The following GPAT4 variants were observed in gnomAD, a reference collection of about 807,000 sequenced individuals.
GPAT4 encodes glycerol-3-phosphate acyltransferase 4, also known as 1-AGP acyltransferase 6.
A neutral mutation model predicts 58.0 loss-of-function variants in GPAT4; 17 were observed. The observed-to-expected ratio is 0.29, with a 90% CI of 0.20 to 0.44. The LOEUF (loss-of-function observed/expected upper bound fraction) is 0.44, where lower values mean the gene tolerates loss of function less well. Ranked by LOEUF, GPAT4 falls within the 20% of genes least tolerant of loss-of-function variation. GPAT4 has a pLI of 1.00. For missense variants in GPAT4, 377 were observed against 574.5 expected, an observed-to-expected ratio of 0.66 and a Z score of 3.51; for synonymous variants, 204 against 210.1, an observed-to-expected ratio of 0.97 and a Z score of 0.25.
chr8:41,609,258 G>GGGGAGAGGT (rs1163668101), intron 2 of GPAT4, among the ~76,000 whole-genome samples, 158 bp from the exon 3 acceptor site: 1 of 152,220 alleles, frequency 6.6e-6, no homozygotes, highest in Non-Finnish European at 1.5e-5. Flanking sequence ...GGGCTGCTCT[G>GGGGAGAGGT]GGGAGAGGTG....
At chr8:41,608,616 C>T (rs188885192) in intron 2 of GPAT4, among the ~76,000 whole-genome samples, 14 of 152,194 alleles carry the variant, frequency 9.2e-5, no homozygotes, top group African/African-American at 3.1e-4. Flanking sequence ...TGTGTTATTT[C>T]GGTAATAATC....
In GPAT4 at chr8:41,618,905, A is replaced by G. The variant is rs761493151; in HGVS notation, c.1190A>G (p.Glu397Gly). 18 of 1,614,158 alleles carry G rather than the reference A, an allele frequency of 1.1e-5. No homozygotes were observed. Among genetic ancestry groups the G allele is most frequent in the Non-Finnish European group, 1.7e-6 (2 of 1,180,040 alleles). Residue 397 changes from glutamate (E) to glycine (G), a missense_variant, in exon 12 of 13, where the codon GAA becomes GGA. Transcript: ENST00000396987. ...YLPPMTREADEDAVQFANRVK... is the reference protein window; with the variant it reads ...YLPPMTREADGDAVQFANRVK... Reference sequence around the variant, plus strand: ...ATTTGTTCTTTCTTACAGGCAGATGAAGATGCTGTCCAGTTTGCGAATAGG... The same window carrying G: ...ATTTGTTCTTTCTTACAGGCAGATGGAGATGCTGTCCAGTTTGCGAATAGG...
At chr8:41,581,993 A>ATTTTTTTTTTTT (rs71230849) in intron 1 of GPAT4, among the ~76,000 whole-genome samples, 8 of 63,592 alleles carry the variant, frequency 1.3e-4, no homozygotes, top group African/African-American at 2.5e-4. Flanking sequence ...AAGTTCAATG[A>ATTTTTTTTTTTT]TTTTTTTTTT....
rs201102148 is a variant in GPAT4, at chr8:41,609,971, C to G, written c.536+16C>G. The G allele has an allele frequency of 1.9e-6, 3 of 1,580,756 alleles. No individual in the cohort carries two copies. The highest frequency in any genetic ancestry group is 3.5e-5 in the Admixed American group (2 of 57,362). On this transcript the variant is annotated intron_variant, in intron 4 of 12. Transcript: ENST00000396987. ...TGCCGCTCAGGTGAGGCAGGGCCTG[C>G]GGGAGTGGGGCTCGCTGCTGCCACC... is the stretch of plus-strand genomic sequence containing the variant.
At chr8:41,617,956 A>G (rs1447468419) in intron 10 of GPAT4, among the ~76,000 whole-genome samples, 2 of 152,142 alleles carry the variant, frequency 1.3e-5, no homozygotes, top group Non-Finnish European at 2.9e-5. Flanking sequence ...CTGCCCCTCC[A>G]GCTACTTGTT....
chr8:41,602,671 A>G (rs1380488313), intron 2 of GPAT4, among the ~76,000 whole-genome samples: 1 of 152,170 alleles, frequency 6.6e-6, no homozygotes, highest in Non-Finnish European at 1.5e-5. Context: ...AAATACACCT[A>G]ACACTTGTGG....
At chr8:41,600,401 T>A (rs1323863732) in intron 2 of GPAT4, among the ~76,000 whole-genome samples, 1 of 152,198 alleles carries the variant, frequency 6.6e-6, no homozygotes, top group Non-Finnish European at 1.5e-5. Context: ...TTCCTTATAA[T>A]TCTGTGGTAG....
intron 1 of GPAT4, among the ~76,000 whole-genome samples, chr8:41,595,244 T>C (rs943759900): frequency 4.0e-5 from 6 of 151,284 alleles, no homozygotes; most frequent in African/African-American, 1.5e-4. Context: ...GTTGGACCTT[T>C]GTATGGTAAT....
chr8:41,607,911 T>G (rs1180300310), intron 2 of GPAT4, among the ~76,000 whole-genome samples: 1 of 152,170 alleles, frequency 6.6e-6, no homozygotes, highest in African/African-American at 2.4e-5. Context: ...TCTGGTTGAG[T>G]GACCTGTGTT....
chr8:41,612,157 CT>C, intron 6 of GPAT4, 22 bp from the exon 7 acceptor site: 6 of 1,613,578 alleles, frequency 3.7e-6, no homozygotes, highest in Non-Finnish European at 5.1e-6. Context: ...ATTTTGGTTG[CT>C]TTGCATACAT....
chr8:41,603,035 C>G (rs982687666), intron 2 of GPAT4, among the ~76,000 whole-genome samples: 8 of 152,156 alleles, frequency 5.3e-5, no homozygotes, highest in African/African-American at 9.7e-5. Flanking sequence ...TAGGTTTCAA[C>G]ATGAATTTTG....
intron 1 of GPAT4, among the ~76,000 whole-genome samples, chr8:41,591,712 C>T (rs1307282046): frequency 6.6e-6 from 1 of 152,170 alleles, no homozygotes; most frequent in Non-Finnish European, 1.5e-5. Flanking sequence ...AAACATGGCC[C>T]CAGGATCAAA....
intron 2 of GPAT4, 49 bp downstream of exon 2, chr8:41,599,353 G>C: frequency 6.3e-7 from 1 of 1,587,596 alleles, no homozygotes; most frequent in Non-Finnish European, 8.5e-7. Flanking sequence ...GGGTAGAAGT[G>C]CATTTAGCAA....
chr8:41,622,754 T>G lies in GPAT4; in HGVS notation c.*1753T>G, dbSNP rs2150510979. ...TGGGAGAGCCTCCCATTTCCTCACC[T>G]GCCCTGTTGCCAGCCCGGGGGAAAT... On this transcript the variant is annotated 3_prime_UTR_variant, in exon 13 of 13. Transcript: ENST00000396987. The G allele has an allele frequency of 6.6e-6, 1 of 152,384 alleles. No homozygotes were observed. The highest frequency in any genetic ancestry group is 1.5e-5 in the Non-Finnish European group (1 of 68,054). The allele number at this position is 152,384 out of a possible 1,614,324, so 9.4% of individuals were successfully genotyped here.
At chr8:41,578,470 C>T (rs890473746) in intron 1 of GPAT4, 192 bp downstream of exon 1, 4 of 151,648 alleles carry the variant, frequency 2.6e-5, no homozygotes, top group African/African-American at 7.3e-5. Flanking sequence ...GGGTGCCCCC[C>T]GTCCGGGATG....
intron 1 of GPAT4, among the ~76,000 whole-genome samples, chr8:41,579,749 A>G (rs1221982182): frequency 6.6e-6 from 1 of 152,112 alleles, no homozygotes; most frequent in Non-Finnish European, 1.5e-5. Context: ...GAGGCCGGAG[A>G]ATCGCTTGAA....
chr8:41,612,040 C>T (rs1189403590), intron 6 of GPAT4, 48 bp downstream of exon 6: 1 of 1,604,190 alleles, frequency 6.2e-7, no homozygotes, highest in Admixed American at 1.7e-5. Context: ...CTGCAGGAAA[C>T]ACCACCCACC....
intron 2 of GPAT4, among the ~76,000 whole-genome samples, chr8:41,603,916 T>TGAATGAATGAATGAAC (rs1803178527): frequency 6.6e-6 from 1 of 152,112 alleles, no homozygotes; most frequent in Non-Finnish European, 1.5e-5. Context: ...AATGAATGAA[T>TGAATGAATGAATGAAC]GAATGAATGG....
intron 10 of GPAT4, among the ~76,000 whole-genome samples, chr8:41,616,495 G>A (rs76728016): frequency 9.9e-5 from 15 of 152,148 alleles, no homozygotes; most frequent in African/African-American, 2.9e-4. Flanking sequence ...GAGTTTCCCC[G>A]CGTTGCTCAG....
Sources: gnomAD v4.1 joint callset for allele counts (sites outside exome capture counted in the v4.1 genomes callset) on GRCh38, gnomAD v4.1.1 for gene constraint, MANE v1.5 for transcripts, NCBI Gene and HGNC (gene_info 2026-07-23, HGNC 2026-07-21) for gene names.